Variants in ZFHX2 observed in about 807,000 individuals in gnomAD.
ZFHX2 encodes the protein zinc finger homeobox 2, also known as zinc finger homeobox protein 2.
A neutral mutation model predicts 164.8 loss-of-function variants in ZFHX2; 75 were observed. The observed-to-expected ratio is 0.46, with a 90% CI of 0.38 to 0.55. ZFHX2 has a LOEUF of 0.55. ZFHX2 is among the 20% of genes least tolerant of loss of function. ZFHX2 has a pLI of 0.00. For missense variants in ZFHX2, 2,933 were observed against 3,308.0 expected (o/e 0.89, Z 2.78); for synonymous variants, 1,217 against 1,351.4 (o/e 0.90, Z 2.18).
chr14:23,528,427 C>A (rs915438568), intron 6 of ZFHX2, among the ~76,000 whole-genome samples: 148 of 152,334 alleles, frequency 9.7e-4, no homozygotes, highest in African/African-American at 3.4e-3. Flanking sequence ...GTCTTTGCTG[C>A]CTGCCTCAAC....
rs1343352590 is a variant in ZFHX2 at position 23,535,160 on chromosome 14, G to T, written c.166C>A (p.Pro56Thr). ...STSENMRSSE[P>T]GGQLLESGCG... ...CCCGACTCCAGGAGCTGTCCCCCTG[G>T]CTCTGAGGACCTCATGTTCTCAGAG... The change falls in exon 2 of 10, where the codon CCA becomes ACA. Residue 56 changes from proline to threonine, a missense_variant. Coordinates refer to ENST00000419474, the MANE Select transcript of ZFHX2 (RefSeq NM_033400.3). The surrounding 1 kb of genome is among the most constrained non-coding windows in gnomAD (Gnocchi z 4.5). 3.9e-6 allele frequency: 6 copies of T among 1,535,670 alleles called. No individual in the cohort carries two copies. Among genetic ancestry groups the T allele is most frequent in the Non-Finnish European group, 5.2e-6 (6 of 1,146,504 alleles).
chr14:23,548,947 TC>T (rs1157609424), intron 1 of ZFHX2, among the ~76,000 whole-genome samples: 1 of 152,136 alleles, frequency 6.6e-6, no homozygotes. Flanking sequence ...TCTCCTCTTT[TC>T]CTCCTACCAA....
rs1881402509 is a variant in ZFHX2 at position 23,546,543 on chromosome 14, C to T, written c.-50+4800G>A. 6.6e-6 allele frequency among the ~76,000 whole-genome samples: 1 copy of T among 152,088 alleles called. No homozygotes were observed. The highest frequency in any genetic ancestry group is 2.1e-4 in the South Asian group (1 of 4,822). Reference sequence around the variant, plus strand: ...GACTAGTTCCTACATGAGGAAGCCACTGAGAGCCCATGGGATTACCCTACG... The same window carrying T: ...GACTAGTTCCTACATGAGGAAGCCATTGAGAGCCCATGGGATTACCCTACG... On this transcript the variant is annotated intron_variant, in intron 1 of 9. Coordinates refer to ENST00000419474, the MANE Select transcript of ZFHX2 (RefSeq NM_033400.3). The surrounding 1 kb of genome is among the most constrained non-coding windows in gnomAD (Gnocchi z 4.7).
In ZFHX2 at chr14:23,534,875, C is replaced by T. The variant is rs1192464095; in HGVS notation, c.451G>A (p.Glu151Lys). The change falls in exon 2 of 10, where the codon GAA becomes AAA. Residue 151 changes from glutamate (E) to lysine (K), a missense_variant. Physicochemically the swap from Glu to Lys is moderately conservative, Grantham distance 56. Transcript: ENST00000419474. The surrounding 1 kb of genome is among the most constrained non-coding windows in gnomAD (Gnocchi z 4.5). ...GCAAGGAAGGGCAGACTGGGCTCTT[C>T]CTTGATGCCCGCCTCACCCCAGGGG... is the stretch of plus-strand genomic sequence containing the variant. The part of the protein sequence containing the change: ...GFPWGEAGIK[E>K]EPSLPFLAYP... 3 of 1,535,976 alleles carry T rather than the reference C, an allele frequency of 2.0e-6. No individual in the cohort carries two copies. The highest frequency in any genetic ancestry group is 2.7e-5 in the African/African-American group (2 of 73,026).
At chr14:23,522,998 C>T in intron 9 of ZFHX2, 57 bp from the exon 10 acceptor site, 1 of 1,423,106 alleles carries the variant, frequency 7.0e-7, no homozygotes, top group Non-Finnish European at 9.2e-7. Flanking sequence ...ATCATTCTTC[C>T]TGCCATAGGC....
chr14:23,523,236 G>C lies in ZFHX2; in HGVS notation c.6706C>G (p.Pro2236Ala), dbSNP rs959165023. ...VLLSGPALAQ[P>A]PLGNLAPFNS... is the part of the protein sequence containing the mutation. ...AAAGGAGCTAAGTTGCCCAGCGGGG[G>C]CTGAGCCAGAGCTGGGCCAGATAAG... The change falls in exon 9 of 10, where the codon CCC (proline) becomes GCC (alanine). Residue 2236 changes from proline to alanine, a missense_variant. Pro to Ala is a conservative substitution (Grantham distance 27, BLOSUM62 -1). Transcript: ENST00000419474. The surrounding 1 kb of genome is among the most constrained non-coding windows in gnomAD (Gnocchi z 4.1). 7.0e-7 allele frequency: 1 copy of C among 1,432,780 alleles called. No homozygotes were observed. 88.8% of individuals were successfully genotyped at this position (1,432,780 alleles called of 1,614,324 possible). A position where few individuals can be genotyped will look rare whatever the true frequency, so the allele number is the denominator to read the frequency against.
rs527409745 is a variant in ZFHX2 at position 23,533,615 on chromosome 14, A to G, written c.1711T>C (p.Cys571Arg). Residue 571 changes from cysteine (C) to arginine (R), a missense_variant, in exon 2 of 10, where the codon TGC (cysteine) becomes CGC (arginine). Cys to Arg is a radical substitution (Grantham distance 180, BLOSUM62 -3). Coordinates refer to ENST00000419474, the MANE Select transcript of ZFHX2 (RefSeq NM_033400.3). The surrounding 1 kb of genome is among the most constrained non-coding windows in gnomAD (Gnocchi z 4.8). ...KEPKTKSSWQ[C>R]KVCSYETNIS... is the part of the protein sequence containing the mutation. ...TTTGTCTCGTAGCTGCACACCTTGC[A>G]CTGCCAGGATGATTTGGTCTTAGGC... is the stretch of plus-strand genomic sequence containing the variant. 1.1e-5 allele frequency: 17 copies of G among 1,536,796 alleles called. No homozygotes were observed. The Admixed American group carries it at 1.8e-4, about 16-fold the overall frequency.
At position 23,532,967 on chromosome 14, in the gene ZFHX2, C is replaced by T. The variant is rs1322293158; in HGVS notation, c.2159G>A (p.Arg720His). Reference protein sequence around the residue: ...PDDSLSLKVFRCLVCQAFSTD... With the variant: ...PDDSLSLKVFHCLVCQAFSTD... ...GCTGAAGGCCTGGCACACTAGGCAG[C>T]GGAACACCTTCAGGGACAGGCTGTC... Residue 720 changes from arginine to histidine, a missense_variant, in exon 3 of 10, where the codon CGC becomes CAC. Arg to His is a conservative substitution (Grantham distance 29, BLOSUM62 0). Transcript: ENST00000419474. 18 of 1,536,040 alleles carry T rather than the reference C, an allele frequency of 1.2e-5. No individual in the cohort carries two copies. Among genetic ancestry groups the T allele is most frequent in the South Asian group, 5.9e-5 (5 of 84,062 alleles).
chr14:23,537,735 CAAGTT>C (rs1350442994), intron 1 of ZFHX2, among the ~76,000 whole-genome samples: 2 of 152,134 alleles, frequency 1.3e-5, no homozygotes, highest in African/African-American at 4.8e-5. Flanking sequence ...CAGAAGCCCT[CAAGTT>C]GAGGGAGAAA....
At chr14:23,551,882 A>AGGGCCGGGGGC (rs1881990098), upstream of ZFHX2, among the ~76,000 whole-genome samples, 1 of 152,144 alleles carries the variant, frequency 6.6e-6, no homozygotes, top group East Asian at 1.9e-4. The surrounding 1 kb of genome is among the most constrained non-coding windows in gnomAD (Gnocchi z 5.3). Context: ...CGCGGGACCC[A>AGGGCCGGGGGC]GGGCCGGGGG....
In ZFHX2 at chr14:23,533,512, G is replaced by A. The variant is rs1045430846; in HGVS notation, c.1814C>T (p.Pro605Leu). 2.6e-5 allele frequency: 40 copies of A among 1,535,970 alleles called. No individual in the cohort carries two copies. Among genetic ancestry groups the A allele is most frequent in the African/African-American group, 4.1e-5 (3 of 73,032 alleles). The change falls in exon 2 of 10, where the codon CCG becomes CTG. Residue 605 changes from proline (P) to leucine (L), a missense_variant. Coordinates refer to ENST00000419474, the MANE Select transcript of ZFHX2 (RefSeq NM_033400.3). This position sits in a 1 kb window ranked among gnomAD's most constrained non-coding sequence, Gnocchi z 4.8. Reference protein sequence around the residue: ...QNVLMLHQGLPLGLPPGLMGP... With the variant: ...QNVLMLHQGLLLGLPPGLMGP... Reference sequence around the variant, plus strand: ...CATCAATCCAGGTGGCAGGCCCAGCGGCAGCCCCTGGTGCAGCATTAGGAC... The same window carrying A: ...CATCAATCCAGGTGGCAGGCCCAGCAGCAGCCCCTGGTGCAGCATTAGGAC...
upstream of ZFHX2, among the ~76,000 whole-genome samples, chr14:23,554,884 A>G (rs1015139382): frequency 6.6e-6 from 1 of 152,194 alleles, no homozygotes; most frequent in Non-Finnish European, 1.5e-5. Flanking sequence ...ATATAGTTAG[A>G]GTCTCCAGAT....
In ZFHX2 at chr14:23,523,029, C is replaced by G; in HGVS notation, c.6740-88G>C. 1 of 1,414,162 alleles carries G rather than the reference C, an allele frequency of 7.1e-7. No individual in the cohort carries two copies. The highest frequency in any genetic ancestry group is 1.4e-5 in the African/African-American group (1 of 69,408). The allele number at this position is 1,414,162 out of a possible 1,614,324, so 87.6% of individuals were successfully genotyped here. A position where few individuals can be genotyped will look rare whatever the true frequency, so the allele number is the denominator to read the frequency against. On this transcript the variant is annotated intron_variant, in intron 9 of 9. Transcript: ENST00000419474. The surrounding 1 kb of genome is among the most constrained non-coding windows in gnomAD (Gnocchi z 4.1). Reference sequence around the variant, plus strand: ...TAGGCCACCTCCAGCCACACACACCCGTTCCCAGCACCGGATTTCCATGCC... The same window carrying G: ...TAGGCCACCTCCAGCCACACACACCGGTTCCCAGCACCGGATTTCCATGCC...
chr14:23,533,750 G>C lies in ZFHX2; in HGVS notation c.1576C>G (p.His526Asp). Residue 526 changes from histidine to aspartate, a missense_variant, in exon 2 of 10, where the codon CAT becomes GAT. Physicochemically the swap from His to Asp is moderately conservative, Grantham distance 81 (BLOSUM62 -1). Coordinates refer to ENST00000419474, the MANE Select transcript of ZFHX2 (RefSeq NM_033400.3). This position sits in a 1 kb window ranked among gnomAD's most constrained non-coding sequence, Gnocchi z 4.8. ...GCCAGGTGCTTGTCAGACTGCATAT[G>C]GATGCTGAGGTTGCCTTTGGTGGTT... ...STTTKGNLSI[H>D]MQSDKHLANL... 6.4e-7 allele frequency: 1 copy of C among 1,556,810 alleles called. No individual in the cohort carries two copies.
chr14:23,523,627 G>C lies in ZFHX2; in HGVS notation c.6315C>G (p.Pro2105=). 1 of 1,557,270 alleles carries C rather than the reference G, an allele frequency of 6.4e-7. No homozygotes were observed. Residue 2105 remains proline, a synonymous_variant, in exon 9 of 10, where the codon CCC becomes CCG. Coordinates refer to ENST00000419474, the MANE Select transcript of ZFHX2 (RefSeq NM_033400.3). This position sits in a 1 kb window ranked among gnomAD's most constrained non-coding sequence, Gnocchi z 4.1. ...GGAACCAGACCTGGATGACTCTCTT[G>C]GGCAGCCCAATCTCCTCTCCCAGCA... ...CEVLGEEIGL[P]KRVIQVWFQN... is the part of the protein sequence containing the mutation.
intron 6 of ZFHX2, chr14:23,529,264 C>T (rs1879208224): frequency 3.6e-5 from 6 of 167,356 alleles, no homozygotes; most frequent in Admixed American, 1.2e-4. Context: ...GGTGCCCCTA[C>T]CCTTAGTAAG....
chr14:23,534,098 C>T lies in ZFHX2; in HGVS notation c.1228G>A (p.Glu410Lys), dbSNP rs1435008967. Residue 410 changes from glutamate to lysine, a missense_variant, in exon 2 of 10, where the codon GAA becomes AAA. Transcript: ENST00000419474. This position sits in a 1 kb window ranked among gnomAD's most constrained non-coding sequence, Gnocchi z 4.5. The part of the protein sequence containing the change: ...GTLPAPVGSP[E>K]DPSDPPQPYR... ...GGCTGGGGTGGGTCACTGGGGTCTT[C>T]GGGGGAGCCCACTGGGGCAGGGAGA... 36 of 1,495,934 alleles carry T rather than the reference C, an allele frequency of 2.4e-5. No individual in the cohort carries two copies. Among genetic ancestry groups the T allele is most frequent in the African/African-American group, 6.9e-5 (5 of 72,084 alleles). The allele number at this position is 1,495,934 out of a possible 1,614,324, so 92.7% of individuals were successfully genotyped here.
At chr14:23,527,515 C>G (rs577305827) in intron 7 of ZFHX2, 89 bp downstream of exon 7, 1 of 1,483,298 alleles carries the variant, frequency 6.7e-7, no homozygotes, top group East Asian at 2.5e-5. Flanking sequence ...CCAACACATG[C>G]ACCTGCCTGA....
chr14:23,522,313 GCA>G lies in ZFHX2; in HGVS notation c.7366_7367del (p.Cys2456GlnfsTer5), dbSNP rs1187468127. On this transcript the variant is annotated frameshift_variant, in exon 10 of 10. Transcript: ENST00000419474. LOFTEE classifies it high-confidence loss of function. Reference sequence around the variant, plus strand: ...GGGCCTCCCCGTCAAATGCCATCTTGCACTGGCGGCACAGGTAGCGATGGGTT... The same window carrying G: ...GGGCCTCCCCGTCAAATGCCATCTTGCTGGCGGCACAGGTAGCGATGGGTT... ...DVTHRYLCRQ[C>X]KMAFDGEAPA... is the part of the protein sequence containing the mutation. The G allele has an allele frequency of 1.1e-5, 17 of 1,524,504 alleles. No homozygotes were observed. The highest frequency in any genetic ancestry group is 1.4e-5 in the Non-Finnish European group (16 of 1,139,820). 94.4% of individuals were successfully genotyped at this position (1,524,504 alleles called of 1,614,324 possible). A position where few individuals can be genotyped will look rare whatever the true frequency, so the allele number is the denominator to read the frequency against.
Sources: gnomAD v4.1 joint callset for allele counts (sites outside exome capture counted in the v4.1 genomes callset) on GRCh38, gnomAD v4.1.1 for gene constraint, Gnocchi (gnomAD v3.1) non-coding constraint, MANE v1.5 for transcripts, NCBI Gene and HGNC (gene_info 2026-07-23, HGNC 2026-07-21) for gene names.